The following COL23A1 variants were observed in gnomAD, a reference collection of about 807,000 sequenced individuals.
The protein encoded by COL23A1 is collagen alpha-1(XXIII) chain.
In COL23A1, 97 loss-of-function variants were observed where a neutral mutation model predicts 99.3. The observed-to-expected ratio is 0.98, with a 90% CI of 0.83 to 1.16. COL23A1 has a LOEUF of 1.16. COL23A1 is among the 50% of genes most tolerant of loss of function. The probability of loss-of-function intolerance (pLI) is 0.00; values close to 1 mark genes in which losing one functional copy is unlikely to be tolerated. For synonymous variants in COL23A1, 320 were observed against 308.2 expected (o/e 1.04, Z -0.40); for missense variants, 762 against 757.4 (o/e 1.01, Z -0.07).
At chr5:178,444,848 C>T (rs900479500) in intron 2 of COL23A1, among the ~76,000 whole-genome samples, 2 of 152,096 alleles carry the variant, frequency 1.3e-5, no homozygotes, top group African/African-American at 4.8e-5. Context: ...GTTCTTTAAG[C>T]CCTTTCTGCT....
At chr5:178,483,272 ATAAG>A in intron 2 of COL23A1, among the ~76,000 whole-genome samples, 1 of 152,220 alleles carries the variant, frequency 6.6e-6, no homozygotes, top group East Asian at 1.9e-4. Flanking sequence ...TACTGGGGAG[ATAAG>A]TATATGGAGA....
intron 2 of COL23A1, among the ~76,000 whole-genome samples, chr5:178,458,627 A>ATTCCATCCACCACACCCCACCCCCAG (rs1755932753): frequency 8.9e-6 from 1 of 112,790 alleles, no homozygotes; most frequent in African/African-American, 3.0e-5. Flanking sequence ...ACACAGCAAG[A>ATTCCATCCACCACACCCCACCCCCAG]CTCTGTCTCC....
At chr5:178,529,257 C>T (rs751285012) in intron 2 of COL23A1, among the ~76,000 whole-genome samples, 45 of 151,962 alleles carry the variant, frequency 3.0e-4, no homozygotes, top group Admixed American at 4.6e-4. Flanking sequence ...AATGAGCAAG[C>T]GGCTCCTCCA....
At chr5:178,586,706 G>A (rs1274661721) in intron 1 of COL23A1, among the ~76,000 whole-genome samples, 2 of 151,958 alleles carry the variant, frequency 1.3e-5, no homozygotes, top group South Asian at 2.1e-4. Flanking sequence ...TGGGAGCCAG[G>A]AAATGTCAAG....
chr5:178,583,339 C>T (rs1763756064), intron 1 of COL23A1, among the ~76,000 whole-genome samples: 1 of 152,228 alleles, frequency 6.6e-6, no homozygotes, highest in South Asian at 2.1e-4. Context: ...CCAAGCTTCT[C>T]ACCCTATTCC....
intron 2 of COL23A1, among the ~76,000 whole-genome samples, chr5:178,349,884 C>T (rs933210120): frequency 6.6e-6 from 1 of 152,028 alleles, no homozygotes. Context: ...ACCTCTGGTA[C>T]CTCCCTGGGG....
chr5:178,244,393 C>G (rs929579201), intron 25 of COL23A1, among the ~76,000 whole-genome samples: 2 of 152,196 alleles, frequency 1.3e-5, no homozygotes, highest in Non-Finnish European at 2.9e-5. Flanking sequence ...CTGAGAACAA[C>G]CTCCTTCTCA....
At chr5:178,304,994 T>C (rs1170950628) in intron 3 of COL23A1, among the ~76,000 whole-genome samples, 1 of 152,200 alleles carries the variant, frequency 6.6e-6, no homozygotes, top group Non-Finnish European at 1.5e-5. Flanking sequence ...TGGAGTAAGC[T>C]GAATAATATC....
At chr5:178,566,669 A>G (rs1762856272) in intron 1 of COL23A1, among the ~76,000 whole-genome samples, 1 of 152,122 alleles carries the variant, frequency 6.6e-6, no homozygotes, top group African/African-American at 2.4e-5. Context: ...TATAAAAATT[A>G]GCCTGATATG....
At chr5:178,583,345 A>C (rs945437506) in intron 1 of COL23A1, among the ~76,000 whole-genome samples, 1 of 152,114 alleles carries the variant, frequency 6.6e-6, no homozygotes, top group Admixed American at 6.5e-5. Flanking sequence ...TTCTCACCCT[A>C]TTCCTTGGAT....
At chr5:178,532,407 A>G (rs1393777039) in intron 2 of COL23A1, among the ~76,000 whole-genome samples, 1 of 152,128 alleles carries the variant, frequency 6.6e-6, no homozygotes, top group Non-Finnish European at 1.5e-5. Context: ...GCCCATATGC[A>G]GCTACAAGGG....
intron 2 of COL23A1, among the ~76,000 whole-genome samples, chr5:178,517,984 T>A (rs1909298): frequency 6.9e-5 from 8 of 115,318 alleles, no homozygotes; most frequent in Non-Finnish European, 1.2e-4. Context: ...GTGGAGGGAA[T>A]GTCAGCAGAT....
chr5:178,256,947 C>T lies in COL23A1; in HGVS notation c.775-19G>A, dbSNP rs780165739. 1.2e-6 allele frequency: 2 copies of T among 1,612,446 alleles called. No homozygotes were observed. The highest frequency in any genetic ancestry group is 2.2e-5 in the East Asian group (1 of 44,800). ...GCTCGCCCTGAAACAGACACAGCTG[C>T]AGTGAGAGCAAGTGTGAGACGGCAC... is the stretch of plus-strand genomic sequence containing the variant. On this transcript the variant is annotated intron_variant, in intron 13 of 28. Coordinates refer to ENST00000390654, the MANE Select transcript of COL23A1 (RefSeq NM_173465.4).
intron 2 of COL23A1, among the ~76,000 whole-genome samples, chr5:178,388,611 C>A (rs940337334): frequency 6.6e-6 from 1 of 152,148 alleles, no homozygotes; most frequent in African/African-American, 2.4e-5. Context: ...AACTTCCTCC[C>A]CTGGTGATTT....
chr5:178,425,232 G>A (rs1765848132), intron 2 of COL23A1, among the ~76,000 whole-genome samples: 1 of 152,116 alleles, frequency 6.6e-6, no homozygotes, highest in African/African-American at 2.4e-5. Flanking sequence ...AGACCAGCCT[G>A]ACCAACATGG....
intron 2 of COL23A1, among the ~76,000 whole-genome samples, chr5:178,554,928 T>A (rs183617954): frequency 4.9e-4 from 75 of 152,302 alleles, no homozygotes; most frequent in Non-Finnish European, 8.1e-4. Context: ...ATCCCCTCTA[T>A]CCACTTCCAG....
intron 2 of COL23A1, among the ~76,000 whole-genome samples, chr5:178,465,521 A>G (rs1756369894): frequency 6.6e-6 from 1 of 152,218 alleles, no homozygotes; most frequent in African/African-American, 2.4e-5. Flanking sequence ...CCTGCTGTGC[A>G]GCCTCGAGGA....
intron 2 of COL23A1, among the ~76,000 whole-genome samples, chr5:178,371,458 C>G (rs944788743): frequency 6.6e-6 from 1 of 152,184 alleles, no homozygotes; most frequent in African/African-American, 2.4e-5. Context: ...GGGCTTGGTT[C>G]CAGCTGAGAC....
At chr5:178,263,544 A>G (rs1561804139) in intron 8 of COL23A1, among the ~76,000 whole-genome samples, 3 of 152,214 alleles carry the variant, frequency 2.0e-5, no homozygotes, top group Non-Finnish European at 4.4e-5. Context: ...GACCCTTTAC[A>G]TGCCAAGGAA....
Sources: gnomAD v4.1 joint callset for allele counts (sites outside exome capture counted in the v4.1 genomes callset) on GRCh38, gnomAD v4.1.1 for gene constraint, MANE v1.5 for transcripts, NCBI Gene and HGNC (gene_info 2026-07-23, HGNC 2026-07-21) for gene names.